Variants in HYKK observed in about 807,000 individuals in gnomAD.
The protein encoded by HYKK is hydroxylysine kinase, also known as 5-hydroxy-L-lysine kinase.
Under a neutral mutation model 29.7 loss-of-function variants are expected in HYKK, and 19 were observed. The ratio of observed to expected loss-of-function variants is 0.64; its 90% confidence interval spans 0.45 to 0.94. The LOEUF (loss-of-function observed/expected upper bound fraction) is 0.94, where lower values mean the gene tolerates loss of function less well. HYKK is among the 40% of genes least tolerant of loss of function. The pLI is 0.00. For missense variants in HYKK, 390 were observed against 443.4 expected (o/e 0.88, Z 1.08); for synonymous variants, 152 against 158.1 (o/e 0.96, Z 0.29).
intron 1 of HYKK, among the ~76,000 whole-genome samples, chr15:78,512,404 T>C (rs549452040): frequency 5.3e-4 from 77 of 144,604 alleles, no homozygotes; most frequent in Admixed American, 1.4e-3. Context: ...CTTTTTCTTT[T>C]TTTTTTTTTT....
At chr15:78,510,395 C>T (rs200290857) in intron 1 of HYKK, among the ~76,000 whole-genome samples, 2 of 151,710 alleles carry the variant, frequency 1.3e-5, no homozygotes, top group Non-Finnish European at 2.9e-5. Context: ...GATGGGGTTT[C>T]GCCATGTTGG....
At chr15:78,523,673 C>T (rs564775551) in intron 3 of HYKK, among the ~76,000 whole-genome samples, 1 of 152,250 alleles carries the variant, frequency 6.6e-6, no homozygotes, top group Admixed American at 6.5e-5. Context: ...TACCCTTCTG[C>T]CTATGAGCCT....
intron 3 of HYKK, among the ~76,000 whole-genome samples, chr15:78,515,587 A>AT (rs145146182): frequency 2.1e-4 from 27 of 127,008 alleles, no homozygotes; most frequent in Admixed American, 1.4e-3. Context: ...CTCCAAAGAA[A>AT]TTTTTTTTTT....
intron 3 of HYKK, among the ~76,000 whole-genome samples, chr15:78,527,158 T>C (rs1052259197): frequency 4.0e-5 from 6 of 151,766 alleles, no homozygotes; most frequent in Non-Finnish European, 7.4e-5. Flanking sequence ...TGGTGACATA[T>C]GCCTGTGATC....
intron 4 of HYKK, among the ~76,000 whole-genome samples, chr15:78,530,819 A>G (rs2052304627): frequency 1.3e-5 from 2 of 152,070 alleles, no homozygotes; most frequent in African/African-American, 2.4e-5. Flanking sequence ...CTGGGATTAC[A>G]GGCATAAGCC....
intron 3 of HYKK, among the ~76,000 whole-genome samples, chr15:78,517,603 T>C (rs189613092): frequency 5.7e-4 from 87 of 152,146 alleles, no homozygotes; most frequent in Middle Eastern, 3.4e-3. Context: ...AAAAATTCTC[T>C]TTATCTCCAG....
intron 3 of HYKK, among the ~76,000 whole-genome samples, chr15:78,522,474 G>A (rs917460722): frequency 2.0e-5 from 3 of 147,030 alleles, no homozygotes; most frequent in Non-Finnish European, 4.5e-5. Context: ...CAGGAGAATC[G>A]TTTGAGCCTG....
intron 3 of HYKK, among the ~76,000 whole-genome samples, chr15:78,518,020 TC>T (rs2052154299): frequency 6.6e-6 from 1 of 152,174 alleles, no homozygotes; most frequent in South Asian, 2.1e-4. Context: ...TCTGCAGCTC[TC>T]CCATCCCTGG....
rs2052348149 is a variant in HYKK at position 78,534,978 on chromosome 15, A to T, written c.*1308A>T. ...GCTCACTGTATTCTTGGCTGACGGT[A>T]TCCCACTGTGTTTCCTTCACTGGTT... is the stretch of plus-strand genomic sequence containing the variant. On this transcript the variant is annotated 3_prime_UTR_variant, in exon 5 of 5. Coordinates refer to ENST00000388988, the MANE Select transcript of HYKK (RefSeq NM_001013619.4). The T allele has an allele frequency of 6.6e-6, 1 of 152,250 alleles. No individual in the cohort carries two copies. The highest frequency in any genetic ancestry group is 6.5e-5 in the Admixed American group (1 of 15,286). 9.4% of individuals were successfully genotyped at this position (152,250 alleles called of 1,614,324 possible). A position where few individuals can be genotyped will look rare whatever the true frequency, so the allele number is the denominator to read the frequency against.
chr15:78,526,828 G>C (rs1314107430), intron 3 of HYKK, among the ~76,000 whole-genome samples: 1 of 152,208 alleles, frequency 6.6e-6, no homozygotes, highest in African/African-American at 2.4e-5. Flanking sequence ...TTACTATTTT[G>C]TGAGTTAAAG....
chr15:78,533,262 G>A lies in HYKK; in HGVS notation c.714G>A (p.Lys238=). 9 of 1,613,596 alleles carry A rather than the reference G, an allele frequency of 5.6e-6. No homozygotes were observed. Among genetic ancestry groups the A allele is most frequent in the Non-Finnish European group, 7.6e-6 (9 of 1,179,470 alleles). ...NDHNILIESS[K]SASGNAEYQV... is the part of the protein sequence containing the mutation. ...ATAATATTTTAATAGAGTCCAGCAA[G>A]TCAGCCTCTGGAAATGCTGAATATC... The change falls in exon 5 of 5, where the codon AAG becomes AAA. Residue 238 remains lysine, a synonymous_variant. Coordinates refer to ENST00000388988, the MANE Select transcript of HYKK (RefSeq NM_001013619.4).
chr15:78,516,324 G>A (rs1224872970), intron 3 of HYKK, among the ~76,000 whole-genome samples: 1 of 150,090 alleles, frequency 6.7e-6, no homozygotes, highest in African/African-American at 2.4e-5. Context: ...TGAGGAGGAG[G>A]AAGAAGAGAA....
chr15:78,516,607 C>T (rs532943969), intron 3 of HYKK, among the ~76,000 whole-genome samples: 1 of 152,156 alleles, frequency 6.6e-6, no homozygotes, highest in African/African-American at 2.4e-5. Context: ...GCCTCTGCCT[C>T]CCAAAGTGCT....
chr15:78,533,162 G>A (rs554005163), intron 4 of HYKK, 48 bp from the exon 5 acceptor site: 4 of 1,182,888 alleles, frequency 3.4e-6, no homozygotes, highest in Non-Finnish European at 4.9e-6. Context: ...GAAGGGGAAT[G>A]AATTGGGATA....
intron 3 of HYKK, among the ~76,000 whole-genome samples, chr15:78,526,038 C>T (rs933749350): frequency 6.6e-6 from 1 of 152,212 alleles, no homozygotes; most frequent in Non-Finnish European, 1.5e-5. Context: ...CCAGGTCCTC[C>T]CTCAGCCTTA....
At position 78,513,301 on chromosome 15, in the gene HYKK, T is replaced by A. The variant is rs371649057; in HGVS notation, c.213T>A (p.Ala71=). Residue 71 remains alanine, a synonymous_variant, in exon 2 of 5, where the codon GCT becomes GCA. Transcript: ENST00000388988. ...TCCTCAAAATAAGCAACACCAAGGC[T>A]AGCAAAAATCCAGACCTGATTGAAG... ...EYVLKISNTK[A]SKNPDLIEVQ... 19 of 1,614,100 alleles carry A rather than the reference T, an allele frequency of 1.2e-5. No individual in the cohort carries two copies. Among genetic ancestry groups the A allele is most frequent in the Non-Finnish European group, 1.6e-5 (19 of 1,180,046 alleles).
chr15:78,519,941 T>C (rs1157987551), intron 3 of HYKK, among the ~76,000 whole-genome samples: 2 of 152,232 alleles, frequency 1.3e-5, no homozygotes, highest in Non-Finnish European at 2.9e-5. Context: ...CATATGCCTA[T>C]GGCCACTGAA....
rs1418579879 is a variant in HYKK at position 78,533,416 on chromosome 15, G to C, written c.868G>C (p.Gly290Arg). 6.2e-7 allele frequency: 1 copy of C among 1,614,094 alleles called. No homozygotes were observed. Among genetic ancestry groups the C allele is most frequent in the Non-Finnish European group, 8.5e-7 (1 of 1,180,040 alleles). ...ACAAGTAGGAGGCCATGTCCTTGCAGGGTTTGAAAGCATCACCCCACTGAC... is the reference window on the plus strand; with the variant it reads ...ACAAGTAGGAGGCCATGTCCTTGCACGGTTTGAAAGCATCACCCCACTGAC... Reference protein sequence around the residue: ...PIQVGGHVLAGFESITPLTAV... With the variant: ...PIQVGGHVLARFESITPLTAV... Residue 290 changes from glycine (G) to arginine (R), a missense_variant, in exon 5 of 5, where the codon GGG (glycine) becomes CGG (arginine). Physicochemically the swap from Gly to Arg is moderately radical, Grantham distance 125 (BLOSUM62 -2). Transcript: ENST00000388988.
intron 3 of HYKK, among the ~76,000 whole-genome samples, chr15:78,516,991 C>T (rs1447589777): frequency 6.6e-6 from 1 of 151,400 alleles, no homozygotes; most frequent in Non-Finnish European, 1.5e-5. Flanking sequence ...TGCACTCCAG[C>T]TTGGGTGACA....
Sources: gnomAD v4.1 joint callset for allele counts (sites outside exome capture counted in the v4.1 genomes callset) on GRCh38, gnomAD v4.1.1 for gene constraint, MANE v1.5 for transcripts, NCBI Gene and HGNC (gene_info 2026-07-23, HGNC 2026-07-21) for gene names.